SH3D19: variants seen among roughly 807,000 people sequenced by gnomAD.
SH3D19 encodes SH3 domain containing 19.
SH3D19 carries 58 observed loss-of-function variants against 112.1 expected under a neutral mutation model. That is an observed-to-expected ratio of 0.52 (90% confidence interval 0.42 to 0.64). The LOEUF is 0.64. Ranked by LOEUF, SH3D19 falls within the 30% of genes least tolerant of loss-of-function variation. SH3D19 has a pLI of 0.00. For synonymous variants in SH3D19, 391 were observed against 448.5 expected (o/e 0.87, Z 1.62); for missense variants, 1,090 against 1,263.4 (o/e 0.86, Z 2.08).
chr4:151,278,235 T>C (rs1473903556), intron 1 of SH3D19, among the ~76,000 whole-genome samples: 3 of 152,164 alleles, frequency 2.0e-5, no homozygotes, highest in Non-Finnish European at 4.4e-5. Flanking sequence ...GATGGTGACC[T>C]TGAATCAAGT....
intron 2 of SH3D19, among the ~76,000 whole-genome samples, chr4:151,196,476 C>T (rs1263272821): frequency 6.6e-6 from 1 of 151,384 alleles, no homozygotes; most frequent in Admixed American, 6.6e-5. Flanking sequence ...GCCCTCTGTC[C>T]AGAGATGAAA....
At chr4:151,130,731 G>C (rs1750479695) in intron 17 of SH3D19, among the ~76,000 whole-genome samples, 1 of 152,164 alleles carries the variant, frequency 6.6e-6, no homozygotes, top group South Asian at 2.1e-4. Flanking sequence ...CACGAGGTCA[G>C]GAGTTCAAGA....
intron 1 of SH3D19, among the ~76,000 whole-genome samples, chr4:151,298,339 A>G (rs1275622299): frequency 2.6e-5 from 4 of 151,882 alleles, no homozygotes; most frequent in Non-Finnish European, 5.9e-5. Flanking sequence ...CGCCATGCCC[A>G]GCTAATTTTT....
chr4:151,283,002 G>A, intron 1 of SH3D19: 2 of 788,648 alleles, frequency 2.5e-6, no homozygotes, highest in Non-Finnish European at 4.1e-6. Context: ...TGATTGGAAA[G>A]GCATTGTAAG....
At chr4:151,207,466 A>G (rs1765284439) in intron 2 of SH3D19, among the ~76,000 whole-genome samples, 1 of 152,360 alleles carries the variant, frequency 6.6e-6, no homozygotes, top group East Asian at 1.9e-4. Context: ...GGTTATGCTC[A>G]AAGAAATGCA....
At chr4:151,310,168 G>C (rs1266238450) in intron 1 of SH3D19, among the ~76,000 whole-genome samples, 1 of 140,772 alleles carries the variant, frequency 7.1e-6, no homozygotes. Flanking sequence ...GAGGCCAGGA[G>C]TTTGAGACCA....
chr4:151,242,981 T>A (rs889840722), intron 1 of SH3D19, among the ~76,000 whole-genome samples: 2 of 152,216 alleles, frequency 1.3e-5, no homozygotes, highest in Non-Finnish European at 2.9e-5. Flanking sequence ...AAAGAGAATA[T>A]GCAGAAGAAA....
At chr4:151,231,574 T>C (rs1769610604) in intron 1 of SH3D19, among the ~76,000 whole-genome samples, 1 of 152,140 alleles carries the variant, frequency 6.6e-6, no homozygotes, top group African/African-American at 2.4e-5. Context: ...TCAATAAATA[T>C]ATATTTGTTG....
intron 1 of SH3D19, among the ~76,000 whole-genome samples, chr4:151,258,901 CATTCACGCTGCTCCTTCTGCTGG>C (rs1772152322): frequency 6.6e-6 from 1 of 152,066 alleles, no homozygotes; most frequent in Admixed American, 6.5e-5. Flanking sequence ...GCTGGCTATG[CATTCACGCTGCTCCTTCTGCTGG>C]GGATTTCGGG....
At chr4:151,186,561 G>A (rs1203842713) in intron 3 of SH3D19, among the ~76,000 whole-genome samples, 2 of 151,866 alleles carry the variant, frequency 1.3e-5, no homozygotes, top group Non-Finnish European at 2.9e-5. Flanking sequence ...AGCCTCCCAA[G>A]TAGCTGGGAT....
intron 1 of SH3D19, among the ~76,000 whole-genome samples, chr4:151,237,188 G>A (rs760946653): frequency 2.6e-5 from 4 of 152,232 alleles, no homozygotes; most frequent in South Asian, 2.1e-4. Flanking sequence ...TGGACACGCC[G>A]CCTTTAAGAG....
At chr4:151,266,144 C>T (rs1772773539) in intron 1 of SH3D19, 1 of 152,094 alleles carries the variant, frequency 6.6e-6, no homozygotes, top group Admixed American at 6.6e-5. Flanking sequence ...AGGCAACGTA[C>T]TAGGAATGAG....
At chr4:151,305,675 T>A (rs1184115529) in intron 1 of SH3D19, among the ~76,000 whole-genome samples, 5 of 152,224 alleles carry the variant, frequency 3.3e-5, no homozygotes, top group African/African-American at 9.6e-5. Flanking sequence ...TCTAGCAGCA[T>A]CAAGTGCTGG....
chr4:151,237,914 T>C (rs1770254858), intron 1 of SH3D19, among the ~76,000 whole-genome samples: 1 of 152,196 alleles, frequency 6.6e-6, no homozygotes, highest in Non-Finnish European at 1.5e-5. Flanking sequence ...TATTCAACGG[T>C]TCAGCCTATT....
At chr4:151,151,768 T>C (rs1206623690) in intron 9 of SH3D19, among the ~76,000 whole-genome samples, 2 of 152,204 alleles carry the variant, frequency 1.3e-5, no homozygotes, top group African/African-American at 4.8e-5. Flanking sequence ...AATATTGCCA[T>C]GATGCTTGAA....
chr4:151,190,299 C>T (rs1051506775), intron 2 of SH3D19, among the ~76,000 whole-genome samples: 9 of 152,166 alleles, frequency 5.9e-5, no homozygotes, highest in African/African-American at 2.2e-4. Flanking sequence ...GAGAAAATCC[C>T]ATTTGCTGAG....
intron 7 of SH3D19, among the ~76,000 whole-genome samples, chr4:151,167,949 A>G (rs1239582563): frequency 6.6e-6 from 1 of 152,272 alleles, no homozygotes; most frequent in African/African-American, 2.4e-5. Context: ...GTGTGAAGTG[A>G]CAGCCTTGTG....
intron 1 of SH3D19, among the ~76,000 whole-genome samples, chr4:151,276,300 C>G (rs1773617428): frequency 6.6e-6 from 1 of 152,202 alleles, no homozygotes; most frequent in South Asian, 2.1e-4. Context: ...GTGAAGATTT[C>G]TGAGGTAGAT....
chr4:151,185,729 C>T (rs561881398), intron 3 of SH3D19, among the ~76,000 whole-genome samples: 1 of 152,142 alleles, frequency 6.6e-6, no homozygotes, highest in Admixed American at 6.6e-5. Context: ...TGTTCAAATG[C>T]ATATTCTTCA....
Sources: gnomAD v4.1 joint callset for allele counts (sites outside exome capture counted in the v4.1 genomes callset) on GRCh38, gnomAD v4.1.1 for gene constraint, MANE v1.5 for transcripts, NCBI Gene and HGNC (gene_info 2026-07-23, HGNC 2026-07-21) for gene names.